Variants in SPTLC1 observed in about 807,000 individuals in gnomAD.
The protein encoded by SPTLC1 is serine palmitoyltransferase long chain base subunit 1.
In SPTLC1, 55 loss-of-function variants were observed where a neutral mutation model predicts 68.9. That is an observed-to-expected ratio of 0.80 (90% CI 0.64 to 1.00). The LOEUF is 1.00. SPTLC1 is among the 50% of genes least tolerant of loss of function. The pLI is 0.00. For synonymous variants in SPTLC1, 197 were observed against 201.6 expected, an observed-to-expected ratio of 0.98 and a Z score of 0.19; for missense variants, 449 against 573.1, an observed-to-expected ratio of 0.78 and a Z score of 2.21.
intron 7 of SPTLC1, among the ~76,000 whole-genome samples, chr9:92,056,169 G>A (rs535091466): frequency 4.3e-4 from 65 of 152,266 alleles, no homozygotes; most frequent in Middle Eastern, 3.4e-3. Flanking sequence ...ATGTATTATC[G>A]GATCAAGTAA....
intron 3 of SPTLC1, among the ~76,000 whole-genome samples, chr9:92,090,587 G>A (rs1835323505): frequency 6.6e-6 from 1 of 150,992 alleles, no homozygotes; most frequent in South Asian, 2.1e-4. Context: ...ATTCCAGCCT[G>A]GGCAACAGAG....
At chr9:92,083,143 C>A (rs1158817322) in intron 3 of SPTLC1, among the ~76,000 whole-genome samples, 1 of 151,542 alleles carries the variant, frequency 6.6e-6, no homozygotes, top group African/African-American at 2.4e-5. Flanking sequence ...GATATTAGCC[C>A]TTTGTCAGAT....
chr9:92,071,876 C>T (rs1834505783), intron 5 of SPTLC1, among the ~76,000 whole-genome samples: 1 of 152,194 alleles, frequency 6.6e-6, no homozygotes, highest in Non-Finnish European at 1.5e-5. Context: ...GATCAATCAA[C>T]CTCATGACAC....
chr9:92,043,365 C>A (rs1370798625), intron 12 of SPTLC1, among the ~76,000 whole-genome samples: 2 of 152,110 alleles, frequency 1.3e-5, no homozygotes, highest in African/African-American at 4.8e-5. Flanking sequence ...ATATCCATAC[C>A]CCAAGACTCA....
chr9:92,071,071 C>T (rs1484711383), intron 5 of SPTLC1, among the ~76,000 whole-genome samples: 2 of 151,278 alleles, frequency 1.3e-5, no homozygotes, highest in African/African-American at 4.9e-5. Context: ...CATATTTTTG[C>T]ATACATACTG....
At chr9:92,066,474 G>A (rs528000518) in intron 6 of SPTLC1, among the ~76,000 whole-genome samples, 7 of 152,258 alleles carry the variant, frequency 4.6e-5, no homozygotes, top group African/African-American at 1.7e-4. Context: ...CAGTGTTCTA[G>A]TCAGAAAGAG....
intron 6 of SPTLC1, 124 bp downstream of exon 6, chr9:92,067,842 T>G: frequency 8.4e-7 from 1 of 1,186,136 alleles, no homozygotes; most frequent in Non-Finnish European, 1.2e-6. Context: ...GTGAGGTGAC[T>G]ATTTCTTGAA....
intron 3 of SPTLC1, among the ~76,000 whole-genome samples, chr9:92,095,662 CAGAA>C (rs1263114667): frequency 6.6e-6 from 1 of 152,164 alleles, no homozygotes; most frequent in Non-Finnish European, 1.5e-5. Context: ...AAAGCACACT[CAGAA>C]AGCAAATGCA....
In SPTLC1 at chr9:92,043,692, A is replaced by G. The variant is rs146532079; in HGVS notation, c.1136+2307T>C. Among the ~76,000 whole-genome samples, 14 of 152,258 alleles carry G rather than the reference A, an allele frequency of 9.2e-5. No individual in the cohort carries two copies. The East Asian group carries it at 2.1e-3, about 23-fold the overall frequency. On this transcript the variant is annotated intron_variant, in intron 12 of 14. Transcript: ENST00000262554. The stretch of plus-strand genomic sequence containing the variant: ...CACTTCGCAGGTCATGGCTCCCAAC[A>G]TGGTCAGAGTCACTATCACCTTTCA...
intron 11 of SPTLC1, 32 bp from the exon 12 acceptor site, chr9:92,046,085 T>A: frequency 6.3e-7 from 1 of 1,578,832 alleles, no homozygotes; most frequent in Non-Finnish European, 8.7e-7. Flanking sequence ...GAGAGTCTAT[T>A]TGAAACTTAT....
chr9:92,105,689 T>G (rs1376289648), intron 3 of SPTLC1, among the ~76,000 whole-genome samples: 1 of 138,074 alleles, frequency 7.2e-6, no homozygotes, highest in Non-Finnish European at 1.6e-5. Flanking sequence ...GCCCCCACCC[T>G]CTCTGGGAAG....
chr9:92,093,109 T>G (rs1467572765), intron 3 of SPTLC1, among the ~76,000 whole-genome samples: 2 of 152,102 alleles, frequency 1.3e-5, no homozygotes, highest in African/African-American at 4.8e-5. Flanking sequence ...TCAACTAAGT[T>G]AGAAAAAGAA....
Position 92,080,856 on chromosome 9 carries a change from T to C in SPTLC1, c.354+14A>G. On this transcript the variant is annotated intron_variant, in intron 4 of 14. Transcript: ENST00000262554. Reference sequence around the variant, plus strand: ...TAATGTTATCTGTCCACTTCAGCAATATGTGCTACTCACCTTAACCCTAGG... The same window carrying C: ...TAATGTTATCTGTCCACTTCAGCAACATGTGCTACTCACCTTAACCCTAGG... The C allele has an allele frequency of 1.3e-6, 2 of 1,583,952 alleles. No homozygotes were observed. Among genetic ancestry groups the C allele is most frequent in the South Asian group, 2.2e-5 (2 of 90,494 alleles).
At chr9:92,033,987 G>C (rs112873866) in intron 14 of SPTLC1, among the ~76,000 whole-genome samples, 15 of 152,306 alleles carry the variant, frequency 9.8e-5, no homozygotes, top group African/African-American at 3.4e-4. Context: ...CCTGGCCTCA[G>C]GACCCTTCTC....
intron 3 of SPTLC1, among the ~76,000 whole-genome samples, chr9:92,100,073 G>C (rs1451087819): frequency 2.0e-5 from 3 of 149,704 alleles, no homozygotes; most frequent in Non-Finnish European, 3.0e-5. Flanking sequence ...GGAAAAAAAA[G>C]TCAAGAAGAA....
chr9:92,045,347 A>G (rs554261041), intron 12 of SPTLC1, among the ~76,000 whole-genome samples: 90 of 140,280 alleles, frequency 6.4e-4, no homozygotes, highest in African/African-American at 2.3e-3. Context: ...ACCAACCTCC[A>G]TTTTTTTTTT....
In SPTLC1 at chr9:92,108,759, T is replaced by C. The variant is rs1209297674; in HGVS notation, c.241A>G (p.Asn81Asp). Residue 81 changes from asparagine to aspartate, a missense_variant, in exon 3 of 15, where the codon AAC (asparagine) becomes GAC (aspartate). Transcript: ENST00000262554. ...PPVPKDHPAL[N>D]YNIVSGPPSH... The stretch of plus-strand genomic sequence containing the variant: ...ATTTACCCTGAAACGATGTTGTAGT[T>C]GAGAGCAGGATGGTCTTTTGGGACA... The C allele has an allele frequency of 6.2e-7, 1 of 1,606,284 alleles. No individual in the cohort carries two copies. Among genetic ancestry groups the C allele is most frequent in the Non-Finnish European group, 8.5e-7 (1 of 1,175,844 alleles).
intron 9 of SPTLC1, among the ~76,000 whole-genome samples, chr9:92,049,061 T>C (rs1833614708): frequency 6.6e-6 from 1 of 152,208 alleles, no homozygotes; most frequent in Non-Finnish European, 1.5e-5. Flanking sequence ...TATCTTTCCA[T>C]TTATTCCATT....
chr9:92,096,035 G>C (rs1046911547), intron 3 of SPTLC1, among the ~76,000 whole-genome samples: 2 of 152,190 alleles, frequency 1.3e-5, no homozygotes, highest in African/African-American at 4.8e-5. Flanking sequence ...CAGGGGTGCC[G>C]TTCTGAAGAC....
Sources: gnomAD v4.1 joint callset for allele counts (sites outside exome capture counted in the v4.1 genomes callset) on GRCh38, gnomAD v4.1.1 for gene constraint, MANE v1.5 for transcripts, NCBI Gene and HGNC (gene_info 2026-07-23, HGNC 2026-07-21) for gene names.